CLCN5: variants seen among roughly 807,000 people sequenced by gnomAD.
CLCN5 encodes the protein H(+)/Cl(-) exchange transporter 5.
A neutral mutation model predicts 54.0 loss-of-function variants in CLCN5; 17 were observed. That is an observed-to-expected ratio of 0.31 (90% CI 0.22 to 0.47). The LOEUF (loss-of-function observed/expected upper bound fraction) is 0.47. Ranked by LOEUF, CLCN5 falls within the 20% of genes least tolerant of loss-of-function variation. The pLI, the probability that CLCN5 is intolerant of heterozygous loss-of-function variation, is 1.00. For missense variants in CLCN5, 448 were observed against 646.7 expected (o/e 0.69, Z 3.33); for synonymous variants, 222 against 233.0 (o/e 0.95, Z 0.43).
At chrX:50,085,783 T>C in intron 9 of CLCN5, 197 bp from the exon 10 acceptor site, 1 of 459,899 alleles carries the variant, frequency 2.2e-6, no homozygotes, top group Non-Finnish European at 3.9e-6. Flanking sequence ...AAGGTCCTCT[T>C]ACCTGGTCAA....
chrX:49,928,873 C>T (rs1925490543), intron 3 of CLCN5, among the ~76,000 whole-genome samples: 1 of 111,259 alleles, frequency 9.0e-6, no homozygotes, highest in Non-Finnish European at 1.9e-5. Context: ...TGCAGTGAGC[C>T]GAGATCGTGC....
chrX:49,969,549 CT>C (rs1348364234), intron 3 of CLCN5, among the ~76,000 whole-genome samples: 1 of 112,462 alleles, frequency 8.9e-6, no homozygotes, highest in Non-Finnish European at 1.9e-5. Flanking sequence ...ATGTTAATGG[CT>C]TCCAAATATT....
intron 9 of CLCN5, among the ~76,000 whole-genome samples, chrX:50,084,074 A>C (rs1933804976): frequency 8.9e-6 from 1 of 112,044 alleles, no homozygotes; most frequent in African/African-American, 3.2e-5. Context: ...CATTGTTAGG[A>C]GATTTCGTCA....
chrX:49,984,757 G>A (rs1238095793), intron 3 of CLCN5, among the ~76,000 whole-genome samples: 2 of 109,935 alleles, frequency 1.8e-5, no homozygotes, highest in Non-Finnish European at 3.8e-5. Flanking sequence ...TAGGACAATA[G>A]GCATGCACCA....
intron 3 of CLCN5, among the ~76,000 whole-genome samples, chrX:49,926,850 T>C (rs1177699218): frequency 8.9e-6 from 1 of 111,883 alleles, no homozygotes; most frequent in Non-Finnish European, 1.9e-5. Flanking sequence ...AGGAGGTTTC[T>C]GGAATAGTTT....
chrX:50,034,092 T>G (rs782817743), intron 3 of CLCN5, among the ~76,000 whole-genome samples: 279 of 112,472 alleles, frequency 2.5e-3, no homozygotes, highest in Non-Finnish European at 4.7e-3. Context: ...AATAAGCACG[T>G]TCTATGGCAC....
intron 12 of CLCN5, 125 bp from the exon 13 acceptor site, chrX:50,089,991 G>A (rs1557194500): frequency 1.5e-6 from 1 of 657,979 alleles, no homozygotes; most frequent in Non-Finnish European, 2.5e-6. Flanking sequence ...TGCAATCTCT[G>A]GGGTCTGCAC....
At chrX:49,944,398 C>G (rs1299203174) in intron 3 of CLCN5, among the ~76,000 whole-genome samples, 1 of 111,133 alleles carries the variant, frequency 9.0e-6, no homozygotes, top group Non-Finnish European at 1.9e-5. Flanking sequence ...CCCTTTATTT[C>G]CTTCTCCTCC....
intron 3 of CLCN5, among the ~76,000 whole-genome samples, chrX:49,969,972 G>C (rs964862076): frequency 8.1e-5 from 9 of 111,129 alleles, no homozygotes; most frequent in Non-Finnish European, 1.1e-4. Flanking sequence ...TACTTTTGAT[G>C]AATTGCTCCT....
Position 50,090,101 on chromosome X carries a change from T to C in CLCN5, c.1745-15T>C, listed in dbSNP as rs1934036071. On this transcript the variant is annotated splice_polypyrimidine_tract_variant and intron_variant, in intron 12 of 14. Coordinates refer to ENST00000376091, the MANE Select transcript of CLCN5 (RefSeq NM_001127898.4). ...ATTTTGCCTACCTGAGTAGACTGTG[T>C]CTATTTCTTTGCAGGTGGGGTGACT... 8.3e-7 allele frequency: 1 copy of C among 1,206,596 alleles called. No individual in the cohort carries two copies. The highest frequency in any genetic ancestry group is 1.8e-5 in the African/African-American group (1 of 56,966).
chrX:49,939,326 G>C (rs1926187764), intron 3 of CLCN5, among the ~76,000 whole-genome samples: 2 of 110,326 alleles, frequency 1.8e-5, no homozygotes, highest in African/African-American at 6.6e-5. Context: ...CTGCTATAAA[G>C]ACACATGTAC....
intron 3 of CLCN5, among the ~76,000 whole-genome samples, chrX:49,955,021 CAGAT>C (rs1388033809): frequency 1.8e-5 from 2 of 110,637 alleles, no homozygotes; most frequent in African/African-American, 6.6e-5. Context: ...TTTTTTTAGA[CAGAT>C]AGACCTGGGT....
chrX:49,949,851 C>G (rs1557172747), intron 3 of CLCN5, among the ~76,000 whole-genome samples: 1 of 111,689 alleles, frequency 9.0e-6, no homozygotes, highest in Non-Finnish European at 1.9e-5. Context: ...TTGGCTATGG[C>G]TTCTGTATAA....
intron 3 of CLCN5, among the ~76,000 whole-genome samples, chrX:49,992,891 C>G (rs1929333950): frequency 8.9e-6 from 1 of 112,120 alleles, no homozygotes; most frequent in Non-Finnish European, 1.9e-5. Flanking sequence ...CTAACTGTTG[C>G]AGTTACTGTT....
In CLCN5 at chrX:50,099,221, G is replaced by A. The variant is rs1934349992; in HGVS notation, c.*7002G>A. 1 of 111,966 alleles carries A rather than the reference G, an allele frequency of 8.9e-6. No individual in the cohort carries two copies. The highest frequency in any genetic ancestry group is 3.8e-4 in the South Asian group (1 of 2,650). 9.2% of individuals were successfully genotyped at this position (111,966 alleles called of 1,213,427 possible). A position where few individuals can be genotyped will look rare whatever the true frequency, so the allele number is the denominator to read the frequency against. The stretch of plus-strand genomic sequence containing the variant: ...GTAATTATGCATGTAATAAAGCACA[G>A]CCTTATCCACCCTGGTGTCTGGTGT... On this transcript the variant is annotated 3_prime_UTR_variant, in exon 15 of 15. Coordinates refer to ENST00000376091, the MANE Select transcript of CLCN5 (RefSeq NM_001127898.4).
intron 3 of CLCN5, among the ~76,000 whole-genome samples, chrX:50,041,406 A>G (rs1156981630): frequency 1.8e-5 from 2 of 111,447 alleles, no homozygotes; most frequent in Non-Finnish European, 3.8e-5. Context: ...TAAAATTTAC[A>G]ATCTGAAAAA....
intron 3 of CLCN5, among the ~76,000 whole-genome samples, chrX:50,000,378 C>A (rs1187931941): frequency 9.1e-6 from 1 of 110,012 alleles, no homozygotes; most frequent in African/African-American, 3.3e-5. Context: ...ACTGGCTGGG[C>A]CACAGTGGCG....
intron 3 of CLCN5, among the ~76,000 whole-genome samples, chrX:50,037,901 T>C (rs1405131931): frequency 2.7e-5 from 3 of 111,319 alleles, no homozygotes; most frequent in African/African-American, 6.5e-5. Flanking sequence ...CCTATGTCCA[T>C]TGGGGAGCAG....
At chrX:50,078,800 A>T (rs1462723958) in intron 7 of CLCN5, among the ~76,000 whole-genome samples, 1 of 112,089 alleles carries the variant, frequency 8.9e-6, no homozygotes, top group Admixed American at 9.4e-5. Context: ...TTCCCTGGGG[A>T]AAGAGTCCTC....
Sources: gnomAD v4.1 joint callset for allele counts (sites outside exome capture counted in the v4.1 genomes callset) on GRCh38, gnomAD v4.1.1 for gene constraint, MANE v1.5 for transcripts, NCBI Gene and HGNC (gene_info 2026-07-23, HGNC 2026-07-21) for gene names.